BABAM2: variants seen among roughly 807,000 people sequenced by gnomAD.
The protein encoded by BABAM2 is BRISC and BRCA1-A complex member 2.
BABAM2 carries 31 observed loss-of-function variants against 54.7 expected under a neutral mutation model. The observed-to-expected ratio is 0.57, with a 90% confidence interval of 0.43 to 0.77. The LOEUF (loss-of-function observed/expected upper bound fraction) is 0.77. Among genes scored for constraint, BABAM2 ranks in the 30% least tolerant of loss-of-function variants. The pLI, the probability that BABAM2 is intolerant of heterozygous loss-of-function variation, is 0.00. For synonymous variants in BABAM2, 167 were observed against 162.9 expected (o/e 1.03, Z -0.19); for missense variants, 364 against 455.8 (o/e 0.80, Z 1.83).
chr2:27,981,219 A>T (rs1671973294), intron 3 of BABAM2, among the ~76,000 whole-genome samples: 1 of 152,122 alleles, frequency 6.6e-6, no homozygotes, highest in South Asian at 2.1e-4. Context: ...TTCACATTGC[A>T]TTTTTAATAT....
intron 10 of BABAM2, among the ~76,000 whole-genome samples, chr2:28,292,671 A>G (rs1404869993): frequency 2.0e-5 from 3 of 152,206 alleles, no homozygotes; most frequent in African/African-American, 7.2e-5. Context: ...TCACATGATC[A>G]GCTCTAAGGC....
chr2:28,145,029 C>G (rs932450568), intron 7 of BABAM2, among the ~76,000 whole-genome samples: 1 of 152,206 alleles, frequency 6.6e-6, no homozygotes, highest in Non-Finnish European at 1.5e-5. Flanking sequence ...AAGTGGATTT[C>G]TGGGGCCACC....
chr2:28,334,500 G>A (rs1039039273), intron 11 of BABAM2, among the ~76,000 whole-genome samples: 1 of 152,236 alleles, frequency 6.6e-6, no homozygotes, highest in Non-Finnish European at 1.5e-5. Context: ...GGAAGGTGAC[G>A]TCCTCACCTC....
chr2:28,206,802 A>G (rs1156528722), intron 7 of BABAM2, among the ~76,000 whole-genome samples: 2 of 152,206 alleles, frequency 1.3e-5, no homozygotes, highest in East Asian at 3.8e-4. Context: ...TGATTTTGCC[A>G]GTGTTTACTA....
intron 6 of BABAM2, among the ~76,000 whole-genome samples, chr2:28,127,229 G>T (rs904497697): frequency 4.6e-5 from 7 of 152,096 alleles, no homozygotes; most frequent in African/African-American, 1.7e-4. Context: ...AAAAAAGAAA[G>T]AAAACGGAAA....
At chr2:28,071,866 C>T (rs1253499180) in intron 6 of BABAM2, among the ~76,000 whole-genome samples, 1 of 152,166 alleles carries the variant, frequency 6.6e-6, no homozygotes, top group Non-Finnish European at 1.5e-5. Flanking sequence ...AATTCATTCT[C>T]ATCTTTGGCC....
chr2:27,916,897 G>C (rs564457747), intron 2 of BABAM2, among the ~76,000 whole-genome samples: 3 of 151,644 alleles, frequency 2.0e-5, no homozygotes, highest in Admixed American at 6.6e-5. Context: ...TTGTTGTCTT[G>C]ACTTGTTATT....
intron 10 of BABAM2, among the ~76,000 whole-genome samples, chr2:28,264,849 GT>G (rs1684845284): frequency 6.6e-6 from 1 of 152,120 alleles, no homozygotes; most frequent in South Asian, 2.1e-4. Context: ...ATCATTCATT[GT>G]TTTCATTATT....
intron 6 of BABAM2, among the ~76,000 whole-genome samples, chr2:28,074,941 TC>T (rs1278902442): frequency 2.6e-5 from 4 of 152,134 alleles, no homozygotes; most frequent in African/African-American, 9.7e-5. Context: ...TCATTCTTCT[TC>T]CAAGATTTTT....
chr2:28,293,876 A>T (rs994236002), intron 10 of BABAM2, among the ~76,000 whole-genome samples: 3 of 152,162 alleles, frequency 2.0e-5, no homozygotes, highest in Admixed American at 6.6e-5. Flanking sequence ...TTAAAAATTT[A>T]AAAAAAGAGA....
chr2:28,283,534 T>G (rs1686555034), intron 10 of BABAM2, among the ~76,000 whole-genome samples: 1 of 152,222 alleles, frequency 6.6e-6, no homozygotes, highest in African/African-American at 2.4e-5. Context: ...CTTGGAACAT[T>G]CTGTGTTTTG....
At chr2:27,990,596 G>T (rs1300162282) in intron 4 of BABAM2, among the ~76,000 whole-genome samples, 2 of 152,140 alleles carry the variant, frequency 1.3e-5, no homozygotes, top group African/African-American at 4.8e-5. Context: ...TAGAACCTGG[G>T]AGTGTAGTCT....
At chr2:28,245,801 G>A (rs1682864039) in intron 10 of BABAM2, among the ~76,000 whole-genome samples, 1 of 152,194 alleles carries the variant, frequency 6.6e-6, no homozygotes, top group Admixed American at 6.5e-5. Flanking sequence ...AACTTTGGCT[G>A]TATTTAGCCA....
At chr2:28,017,440 A>T (rs1201893779) in intron 4 of BABAM2, among the ~76,000 whole-genome samples, 1 of 152,192 alleles carries the variant, frequency 6.6e-6, no homozygotes, top group Admixed American at 6.5e-5. Flanking sequence ...AGACATTAGA[A>T]GTTTAAAATT....
At chr2:28,046,053 G>A (rs1006411060) in intron 6 of BABAM2, among the ~76,000 whole-genome samples, 23 of 152,044 alleles carry the variant, frequency 1.5e-4, no homozygotes, top group Admixed American at 6.6e-5. Context: ...GGGAAAAATC[G>A]CTTTTATTTA....
At chr2:28,258,033 C>G (rs1684115622) in intron 10 of BABAM2, among the ~76,000 whole-genome samples, 1 of 152,084 alleles carries the variant, frequency 6.6e-6, no homozygotes, top group Non-Finnish European at 1.5e-5. Flanking sequence ...AAAAATTAGT[C>G]TGGCATGGCA....
At chr2:28,254,370 C>T (rs1485126475) in intron 10 of BABAM2, among the ~76,000 whole-genome samples, 3 of 152,170 alleles carry the variant, frequency 2.0e-5, no homozygotes, top group Non-Finnish European at 4.4e-5. Context: ...CTCCTGACCT[C>T]AGGTGATCCT....
chr2:27,943,602 A>G (rs1256474832), intron 3 of BABAM2, among the ~76,000 whole-genome samples: 2 of 152,220 alleles, frequency 1.3e-5, no homozygotes, highest in African/African-American at 4.8e-5. Context: ...CTAGTCTGCA[A>G]GAATGCTTGC....
chr2:28,000,189 T>G (rs1192287598), intron 4 of BABAM2, among the ~76,000 whole-genome samples: 1 of 152,212 alleles, frequency 6.6e-6, no homozygotes, highest in Non-Finnish European at 1.5e-5. Flanking sequence ...AAATTTTTTC[T>G]TAATGTCCTT....
Sources: gnomAD v4.1 joint callset for allele counts (sites outside exome capture counted in the v4.1 genomes callset) on GRCh38, gnomAD v4.1.1 for gene constraint, MANE v1.5 for transcripts, NCBI Gene and HGNC (gene_info 2026-07-23, HGNC 2026-07-21) for gene names.